The following CELF2 variants were observed in gnomAD, a reference collection of about 807,000 sequenced individuals.
CELF2 encodes CUGBP Elav-like family member 2, also known as CUG triplet repeat RNA-binding protein 2.
Under a neutral mutation model 62.6 loss-of-function variants are expected in CELF2, and 8 were observed. The ratio of observed to expected loss-of-function variants is 0.13; its 90% CI spans 0.07 to 0.23. CELF2 has a LOEUF of 0.23. Among genes scored for constraint, CELF2 ranks in the 10% least tolerant of loss-of-function variants. The pLI, the probability that CELF2 is intolerant of heterozygous loss-of-function variation, is 1.00. For missense variants in CELF2, 333 were observed against 671.0 expected, an observed-to-expected ratio of 0.50 and a Z score of 5.56; for synonymous variants, 258 against 250.0, an observed-to-expected ratio of 1.03 and a Z score of -0.30.
the CELF2 span, among the ~76,000 whole-genome samples, chr10:10,515,850 T>C: frequency 6.6e-6 from 1 of 152,252 alleles, no homozygotes; most frequent in African/African-American, 2.4e-5. Context: ...ATTTTTCGCA[T>C]TGAACATCTC....
At chr10:10,753,210 AT>A in the CELF2 span, among the ~76,000 whole-genome samples, 1 of 152,134 alleles carries the variant, frequency 6.6e-6, no homozygotes, top group Non-Finnish European at 1.5e-5. Context: ...ATTTAAGGCC[AT>A]TATCATAGAA....
At chr10:10,918,999 G>A (rs865893869) in intron 1 of CELF2, among the ~76,000 whole-genome samples, 3 of 152,028 alleles carry the variant, frequency 2.0e-5, no homozygotes, top group Non-Finnish European at 4.4e-5. Flanking sequence ...GGCCAGGTGC[G>A]GTGGCTCACA....
chr10:10,472,889 G>C, the CELF2 span, among the ~76,000 whole-genome samples: 1 of 151,892 alleles, frequency 6.6e-6, no homozygotes, highest in Non-Finnish European at 1.5e-5. Flanking sequence ...TTTAGGCAAA[G>C]AGTTTACTCC....
At chr10:11,248,355 C>T (rs999767562) in intron 3 of CELF2, among the ~76,000 whole-genome samples, 6 of 152,102 alleles carry the variant, frequency 3.9e-5, no homozygotes, top group African/African-American at 1.4e-4. Context: ...ACCTCGGCCC[C>T]GCTGTGTCTA....
At chr10:10,607,317 A>T in the CELF2 span, among the ~76,000 whole-genome samples, 80 of 152,332 alleles carry the variant, frequency 5.3e-4, no homozygotes, top group Admixed American at 2.2e-3. Flanking sequence ...TTAAAAAAAA[A>T]TAGGAAACAG....
At chr10:10,980,351 C>T (rs1029869495) in intron 2 of CELF2, among the ~76,000 whole-genome samples, 3 of 152,158 alleles carry the variant, frequency 2.0e-5, no homozygotes, top group African/African-American at 2.4e-5. Context: ...CTTCCCCCCC[C>T]AAGATGGTAC....
chr10:10,497,179 C>G, the CELF2 span, among the ~76,000 whole-genome samples: 3 of 130,132 alleles, frequency 2.3e-5, no homozygotes, highest in Admixed American at 8.6e-5. Context: ...AGCAACTGAA[C>G]AAGACTCCAT....
the CELF2 span, among the ~76,000 whole-genome samples, chr10:10,746,236 A>G: frequency 6.6e-6 from 1 of 152,242 alleles, no homozygotes; most frequent in Admixed American, 6.5e-5. Context: ...TTTGACGGCA[A>G]CAAGTAAAAT....
intron 1 of CELF2, among the ~76,000 whole-genome samples, chr10:11,154,171 A>G (rs912294083): frequency 3.3e-5 from 5 of 152,212 alleles, no homozygotes; most frequent in Non-Finnish European, 7.4e-5. Context: ...TTAGCACATA[A>G]TTCTACTTTT....
chr10:10,537,730 A>G, the CELF2 span, among the ~76,000 whole-genome samples: 1 of 152,064 alleles, frequency 6.6e-6, no homozygotes, highest in Non-Finnish European at 1.5e-5. Flanking sequence ...TGGGTCTCAC[A>G]TGAGTCTAGA....
At chr10:11,134,492 G>A (rs947186456) in intron 1 of CELF2, among the ~76,000 whole-genome samples, 2 of 152,190 alleles carry the variant, frequency 1.3e-5, no homozygotes, top group South Asian at 2.1e-4. Flanking sequence ...GACATGGACT[G>A]TGTTCTCCCT....
intron 1 of CELF2, among the ~76,000 whole-genome samples, chr10:11,043,721 G>C (rs1170999967): frequency 6.6e-6 from 1 of 152,088 alleles, no homozygotes; most frequent in Non-Finnish European, 1.5e-5. Context: ...ACCTGCAGTC[G>C]CTCCTGCTGT....
chr10:10,793,188 C>T, the CELF2 span, among the ~76,000 whole-genome samples: 388 of 152,170 alleles, frequency 2.5e-3, no homozygotes, highest in African/African-American at 8.8e-3. Context: ...CCTAAGTCAT[C>T]GATGAAGGAC....
At chr10:11,040,628 A>G (rs2061676169) in intron 1 of CELF2, among the ~76,000 whole-genome samples, 1 of 152,094 alleles carries the variant, frequency 6.6e-6, no homozygotes, top group African/African-American at 2.4e-5. Flanking sequence ...ATGCTTTTAA[A>G]TGCCTGCTTA....
intron 1 of CELF2, among the ~76,000 whole-genome samples, chr10:11,038,260 C>G (rs1246262887): frequency 6.6e-6 from 1 of 152,042 alleles, no homozygotes; most frequent in African/African-American, 2.4e-5. Context: ...TCCTTTTTTT[C>G]CATCTGTAGC....
chr10:10,619,968 C>T, the CELF2 span, among the ~76,000 whole-genome samples: 1 of 152,122 alleles, frequency 6.6e-6, no homozygotes, highest in Non-Finnish European at 1.5e-5. Flanking sequence ...ATGGCTTCTA[C>T]GGCTGAACCT....
At chr10:10,710,056 C>T in the CELF2 span, among the ~76,000 whole-genome samples, 2 of 152,174 alleles carry the variant, frequency 1.3e-5, no homozygotes, top group African/African-American at 4.8e-5. Context: ...TTCTAGGACC[C>T]CAAAACAATG....
At position 11,270,240 on chromosome 10, in the gene CELF2, CAG is replaced by C. The variant is rs2083356798; in HGVS notation, c.619-424_619-423del. Reference sequence around the variant, plus strand: ...ATGAGAGACATGGCCATTCCCGTTACAGATTCTCCCCTTTGTCCTCTGTCCAC... The same window carrying C: ...ATGAGAGACATGGCCATTCCCGTTACATTCTCCCCTTTGTCCTCTGTCCAC... On this transcript the variant is annotated intron_variant, in intron 6 of 12. Transcript: ENST00000633077. The surrounding 1 kb of genome is among the most constrained non-coding windows in gnomAD (Gnocchi z 5.8). 6.6e-6 allele frequency among the ~76,000 whole-genome samples: 1 copy of C among 152,032 alleles called. No individual in the cohort carries two copies. The highest frequency in any genetic ancestry group is 2.4e-5 in the African/African-American group (1 of 41,276).
the CELF2 span, among the ~76,000 whole-genome samples, chr10:10,779,044 A>G: frequency 6.6e-6 from 1 of 152,194 alleles, no homozygotes; most frequent in Admixed American, 6.5e-5. Context: ...AGGTATTTGC[A>G]AAGAACCTAA....
Sources: allele counts gnomAD v4.1 joint callset (sites outside exome capture counted in the v4.1 genomes callset), GRCh38; gene constraint gnomAD v4.1.1; non-coding constraint Gnocchi (gnomAD v3.1); transcripts MANE v1.5; gene names NCBI Gene and HGNC (gene_info 2026-07-23, HGNC 2026-07-21).